The following CSMD1 variants were observed in gnomAD, a reference collection of about 807,000 sequenced individuals.
The protein encoded by CSMD1 is CUB and sushi domain-containing protein 1.
Under a neutral mutation model 417.5 loss-of-function variants are expected in CSMD1, and 213 were observed. The observed-to-expected ratio is 0.51, with a 90% CI of 0.46 to 0.57. CSMD1 has a LOEUF of 0.57. Among genes scored for constraint, CSMD1 ranks in the 20% least tolerant of loss-of-function variants. CSMD1 has a pLI of 0.00. For synonymous variants in CSMD1, 2,862 were observed against 1,736.8 expected (o/e 1.65, Z -16.11); for missense variants, 6,923 against 4,529.7 (o/e 1.53, Z -15.17).
intron 4 of CSMD1, among the ~76,000 whole-genome samples, chr8:4,014,149 G>A (rs1265348857): frequency 1.3e-5 from 2 of 152,020 alleles, no homozygotes; most frequent in East Asian, 3.9e-4. Context: ...TATTAATTGT[G>A]GTGAACTGTC....
rs761974023 is a variant in CSMD1 at position 3,052,475 on chromosome 8, C to T, written c.7647G>A (p.Pro2549=). 2.3e-5 allele frequency: 37 copies of T among 1,578,164 alleles called. No homozygotes were observed. Among genetic ancestry groups the T allele is most frequent in the South Asian group, 8.1e-5 (7 of 86,048 alleles). The change falls in exon 50 of 70, where the codon CCG becomes CCA. Residue 2549 remains proline (P), a synonymous_variant. Transcript: ENST00000635120. ...EDGLWSNKGK[P]PTCKPVACPS... is the part of the protein sequence containing the mutation. The stretch of plus-strand genomic sequence containing the variant: ...CTGAACACTTACGCTTACACGTGGG[C>T]GGCTTCCCCTTGTTACTCCACAACC...
chr8:4,012,969 T>C (rs1284064662), intron 4 of CSMD1, among the ~76,000 whole-genome samples: 2 of 152,178 alleles, frequency 1.3e-5, no homozygotes, highest in Admixed American at 6.5e-5. Flanking sequence ...CCTCTGCTCC[T>C]GTCATCTCTC....
chr8:3,918,463 T>C (rs1258361165), intron 5 of CSMD1, among the ~76,000 whole-genome samples: 1 of 152,212 alleles, frequency 6.6e-6, no homozygotes, highest in East Asian at 1.9e-4. Context: ...ATCACCTTTT[T>C]ATATACCTGT....
intron 1 of CSMD1, among the ~76,000 whole-genome samples, chr8:4,975,192 A>G (rs1810479388): frequency 6.6e-6 from 1 of 152,214 alleles, no homozygotes; most frequent in Non-Finnish European, 1.5e-5. Flanking sequence ...TTAATTCACC[A>G]CGGTGACTTT....
intron 57 of CSMD1, among the ~76,000 whole-genome samples, chr8:2,967,403 G>C (rs1804060382): frequency 6.6e-6 from 1 of 152,150 alleles, no homozygotes; most frequent in African/African-American, 2.4e-5. Flanking sequence ...AGGCAATAAG[G>C]CCTCAATTAA....
intron 3 of CSMD1, among the ~76,000 whole-genome samples, chr8:4,183,073 C>G (rs1420024864): frequency 6.6e-6 from 1 of 152,120 alleles, no homozygotes; most frequent in Non-Finnish European, 1.5e-5. Context: ...TGCTAGATGT[C>G]ACACTCATAT....
At chr8:4,210,995 G>C (rs564089450) in intron 3 of CSMD1, among the ~76,000 whole-genome samples, 1 of 152,126 alleles carries the variant, frequency 6.6e-6, no homozygotes, top group Non-Finnish European at 1.5e-5. Flanking sequence ...ACTACAAACA[G>C]AAAGAACCAC....
intron 3 of CSMD1, among the ~76,000 whole-genome samples, chr8:4,306,537 A>C (rs1169287568): frequency 2.0e-5 from 3 of 152,166 alleles, no homozygotes; most frequent in Non-Finnish European, 2.9e-5. Context: ...CTTGAAGACA[A>C]AATTTTCTTC....
At chr8:3,535,280 C>A (rs1020264833) in intron 10 of CSMD1, among the ~76,000 whole-genome samples, 2 of 152,114 alleles carry the variant, frequency 1.3e-5, no homozygotes, top group African/African-American at 4.8e-5. Flanking sequence ...ACAGACGACA[C>A]TGAAATAGTT....
At chr8:3,947,968 G>A (rs1585015929) in intron 5 of CSMD1, among the ~76,000 whole-genome samples, 1 of 152,192 alleles carries the variant, frequency 6.6e-6, no homozygotes, top group Non-Finnish European at 1.5e-5. Context: ...CACTTTGGGA[G>A]GCCAAGGCAG....
At chr8:3,330,840 G>C (rs1352756220) in intron 23 of CSMD1, among the ~76,000 whole-genome samples, 2 of 152,156 alleles carry the variant, frequency 1.3e-5, no homozygotes, top group Non-Finnish European at 2.9e-5. Context: ...TTATCAGCAG[G>C]TAGGATACTA....
intron 39 of CSMD1, among the ~76,000 whole-genome samples, chr8:3,154,710 T>C (rs1300615398): frequency 6.6e-6 from 1 of 152,190 alleles, no homozygotes; most frequent in Admixed American, 6.5e-5. Flanking sequence ...GGGCTTGTTA[T>C]AAATATTCAA....
At chr8:4,891,526 AT>A (rs933192058) in intron 1 of CSMD1, among the ~76,000 whole-genome samples, 42 of 152,092 alleles carry the variant, frequency 2.8e-4, no homozygotes, top group African/African-American at 9.4e-4. Flanking sequence ...TATACTAAAA[AT>A]ATTTTTATAG....
At chr8:3,593,300 C>T (rs1800943633) in intron 8 of CSMD1, among the ~76,000 whole-genome samples, 1 of 152,218 alleles carries the variant, frequency 6.6e-6, no homozygotes, top group Non-Finnish European at 1.5e-5. Context: ...TAGTTCCCAG[C>T]TGTGGCCTCA....
chr8:4,410,208 C>T (rs924564536), intron 3 of CSMD1, among the ~76,000 whole-genome samples: 7 of 152,310 alleles, frequency 4.6e-5, no homozygotes, highest in Non-Finnish European at 7.4e-5. Context: ...CTGAACCAAA[C>T]AGTTTAGGTA....
chr8:4,633,004 T>G (rs1451735028), intron 2 of CSMD1, among the ~76,000 whole-genome samples: 1 of 152,076 alleles, frequency 6.6e-6, no homozygotes, highest in Admixed American at 6.5e-5. Context: ...ATGGACTTTC[T>G]TGAATTTCAG....
intron 1 of CSMD1, among the ~76,000 whole-genome samples, chr8:4,891,895 T>C (rs1446063809): frequency 6.6e-6 from 1 of 152,136 alleles, no homozygotes; most frequent in African/African-American, 2.4e-5. Context: ...TATTAGATTC[T>C]ATTTTAGCAA....
chr8:3,961,284 G>A (rs556454646), intron 5 of CSMD1, among the ~76,000 whole-genome samples: 49 of 152,214 alleles, frequency 3.2e-4, no homozygotes, highest in African/African-American at 9.6e-4. Context: ...AGTTATATAA[G>A]CATAAAAGTT....
chr8:4,538,798 G>C (rs1414108184), intron 2 of CSMD1, among the ~76,000 whole-genome samples: 1 of 152,222 alleles, frequency 6.6e-6, no homozygotes, highest in Non-Finnish European at 1.5e-5. Context: ...TAAGGAAACA[G>C]AAGCTCAAAG....
Sources: gnomAD v4.1 joint callset for allele counts (sites outside exome capture counted in the v4.1 genomes callset) on GRCh38, gnomAD v4.1.1 for gene constraint, MANE v1.5 for transcripts, NCBI Gene and HGNC (gene_info 2026-07-23, HGNC 2026-07-21) for gene names.